EPHA6: variants seen among roughly 807,000 people sequenced by gnomAD.
The protein encoded by EPHA6 is EPH receptor A6.
EPHA6 carries 50 observed loss-of-function variants against 112.0 expected under a neutral mutation model. That is an observed-to-expected ratio of 0.45 (90% CI 0.36 to 0.56). The LOEUF (loss-of-function observed/expected upper bound fraction) is 0.56, where lower values mean the gene tolerates loss of function less well. Ranked by LOEUF, EPHA6 falls within the 20% of genes least tolerant of loss-of-function variation. The probability of loss-of-function intolerance (pLI) is 0.00; values close to 1 mark genes in which losing one functional copy is unlikely to be tolerated. For synonymous variants in EPHA6, 529 were observed against 490.7 expected, an observed-to-expected ratio of 1.08 and a Z score of -1.03; for missense variants, 1,280 against 1,417.4, an observed-to-expected ratio of 0.90 and a Z score of 1.56.
At chr3:97,089,468 ATGG>A (rs2046999312) in intron 3 of EPHA6, among the ~76,000 whole-genome samples, 1 of 151,800 alleles carries the variant, frequency 6.6e-6, no homozygotes, top group Non-Finnish European at 1.5e-5. Flanking sequence ...AATCTTTCTG[ATGG>A]TGGTATATCA....
At chr3:96,964,758 T>C (rs1030495785) in intron 2 of EPHA6, among the ~76,000 whole-genome samples, 1 of 152,190 alleles carries the variant, frequency 6.6e-6, no homozygotes, top group Non-Finnish European at 1.5e-5. Context: ...CTGGGATATA[T>C]GTATTTGTGA....
chr3:96,906,197 A>T (rs1293745325), intron 2 of EPHA6, among the ~76,000 whole-genome samples: 1 of 152,080 alleles, frequency 6.6e-6, no homozygotes, highest in Non-Finnish European at 1.5e-5. Flanking sequence ...AAGAGAGAGA[A>T]GTAGGAGACA....
intron 16 of EPHA6, among the ~76,000 whole-genome samples, chr3:97,741,420 T>C (rs1194274034): frequency 6.6e-6 from 1 of 152,060 alleles, no homozygotes; most frequent in Non-Finnish European, 1.5e-5. Flanking sequence ...TATAATATAA[T>C]GTCAATATCC....
chr3:97,698,288 C>T (rs567530214), intron 14 of EPHA6, among the ~76,000 whole-genome samples: 8 of 152,212 alleles, frequency 5.3e-5, no homozygotes, highest in African/African-American at 1.4e-4. Context: ...TGTGAGCCGT[C>T]GTGACCGGCA....
At chr3:97,423,474 T>C (rs926903593) in intron 6 of EPHA6, among the ~76,000 whole-genome samples, 2 of 152,062 alleles carry the variant, frequency 1.3e-5, no homozygotes, top group African/African-American at 4.8e-5. Context: ...CAATGATAAA[T>C]ATAAAACGCT....
At chr3:97,524,091 T>C (rs1371996796) in intron 10 of EPHA6, among the ~76,000 whole-genome samples, 1 of 152,078 alleles carries the variant, frequency 6.6e-6, no homozygotes, top group Non-Finnish European at 1.5e-5. Context: ...CATTTAAAAT[T>C]AGTATGGATA....
chr3:97,197,825 G>A (rs1022396332), intron 3 of EPHA6, among the ~76,000 whole-genome samples: 1 of 152,016 alleles, frequency 6.6e-6, no homozygotes, highest in Non-Finnish European at 1.5e-5. Flanking sequence ...CCATGGTGGT[G>A]GGGCTACCAG....
chr3:96,819,740 C>G (rs2033103553), intron 1 of EPHA6, among the ~76,000 whole-genome samples: 1 of 152,080 alleles, frequency 6.6e-6, no homozygotes, highest in Non-Finnish European at 1.5e-5. Context: ...GTAATTTAAT[C>G]AGACTGACAT....
chr3:96,858,530 G>C (rs72933403), intron 1 of EPHA6, among the ~76,000 whole-genome samples: 2,021 of 152,174 alleles, frequency 0.013, 48 homozygotes, highest in African/African-American at 0.045. Flanking sequence ...TATTAGGTAT[G>C]CCATGAAAAA....
chr3:97,220,634 CACT>C (rs1253149989), intron 3 of EPHA6, among the ~76,000 whole-genome samples: 1 of 152,118 alleles, frequency 6.6e-6, no homozygotes, highest in Admixed American at 6.5e-5. Flanking sequence ...TGTGAGAACT[CACT>C]CAATATCACA....
chr3:96,862,976 A>C, intron 1 of EPHA6, among the ~76,000 whole-genome samples: 1 of 152,026 alleles, frequency 6.6e-6, no homozygotes, highest in East Asian at 1.9e-4. Context: ...TTTTTCTAAA[A>C]GTTAATAGGA....
intron 5 of EPHA6, among the ~76,000 whole-genome samples, chr3:97,321,722 A>G (rs2082130467): frequency 6.6e-6 from 1 of 152,038 alleles, no homozygotes; most frequent in Non-Finnish European, 1.5e-5. Context: ...AATTGTGAAT[A>G]ATTTAAGTGT....
intron 14 of EPHA6, among the ~76,000 whole-genome samples, chr3:97,697,776 G>A (rs1453007033): frequency 1.3e-5 from 2 of 152,068 alleles, no homozygotes; most frequent in Admixed American, 6.6e-5. Context: ...ATCATTTTAT[G>A]TCAATCTGTC....
intron 5 of EPHA6, among the ~76,000 whole-genome samples, chr3:97,366,601 C>A (rs1269264542): frequency 6.6e-6 from 1 of 150,710 alleles, no homozygotes; most frequent in African/African-American, 2.5e-5. Context: ...ATGGAACACA[C>A]AATTACTGTT....
At chr3:97,490,163 T>A (rs980577106) in intron 10 of EPHA6, among the ~76,000 whole-genome samples, 3 of 152,174 alleles carry the variant, frequency 2.0e-5, no homozygotes, top group Non-Finnish European at 1.5e-5. Flanking sequence ...TTATTCTAAG[T>A]AATGATTTTA....
intron 11 of EPHA6, among the ~76,000 whole-genome samples, chr3:97,582,125 G>C (rs570568591): frequency 6.6e-6 from 1 of 152,116 alleles, no homozygotes; most frequent in South Asian, 2.1e-4. Flanking sequence ...CACCTCCCAG[G>C]ATCAAGCAAT....
chr3:97,711,806 A>G (rs1206149347), intron 14 of EPHA6, among the ~76,000 whole-genome samples: 1 of 152,192 alleles, frequency 6.6e-6, no homozygotes, highest in Non-Finnish European at 1.5e-5. Context: ...ACCACACTAG[A>G]AATAATGTTT....
At chr3:97,725,572 C>A (rs1311089554) in intron 15 of EPHA6, among the ~76,000 whole-genome samples, 1 of 152,118 alleles carries the variant, frequency 6.6e-6, no homozygotes, top group Non-Finnish European at 1.5e-5. Context: ...TAACATTGTG[C>A]ATCACTGTAT....
At chr3:97,567,936 A>G (rs1177970620) in intron 11 of EPHA6, among the ~76,000 whole-genome samples, 3 of 152,086 alleles carry the variant, frequency 2.0e-5, no homozygotes, top group Non-Finnish European at 2.9e-5. Flanking sequence ...TAGGATTGGT[A>G]TTTTTAATAA....
Sources: allele counts gnomAD v4.1 joint callset (sites outside exome capture counted in the v4.1 genomes callset), GRCh38; gene constraint gnomAD v4.1.1; transcripts MANE v1.5; gene names NCBI Gene and HGNC (gene_info 2026-07-23, HGNC 2026-07-21).